Variants in SNX25 observed in about 807,000 individuals in gnomAD.
SNX25 encodes sorting nexin-25.
Under a neutral mutation model 113.7 loss-of-function variants are expected in SNX25, and 62 were observed. The ratio of observed to expected loss-of-function variants is 0.55; its 90% CI spans 0.44 to 0.67. The LOEUF is 0.67. SNX25 is among the 30% of genes least tolerant of loss of function. The pLI is 0.00. For synonymous variants in SNX25, 421 were observed against 436.2 expected, an observed-to-expected ratio of 0.97 and a Z score of 0.43; for missense variants, 1,014 against 1,161.0, an observed-to-expected ratio of 0.87 and a Z score of 1.84.
intron 7 of SNX25, among the ~76,000 whole-genome samples, chr4:185,317,857 A>G (rs1163272127): frequency 6.6e-6 from 1 of 152,126 alleles, no homozygotes; most frequent in African/African-American, 2.4e-5. Context: ...AACCTAGATG[A>G]CGGGTAGATA....
At chr4:185,249,382 T>G (rs2126492046) in intron 2 of SNX25, among the ~76,000 whole-genome samples, 1 of 152,322 alleles carries the variant, frequency 6.6e-6, no homozygotes, top group South Asian at 2.1e-4. Flanking sequence ...CCCTACTGAC[T>G]ATGATATTAA....
chr4:185,233,856 G>GTTATTA (rs34578677), intron 1 of SNX25, among the ~76,000 whole-genome samples: 1 of 151,252 alleles, frequency 6.6e-6, no homozygotes, highest in South Asian at 2.1e-4. Flanking sequence ...CAACTTAAGT[G>GTTATTA]TTATTATTAT....
chr4:185,277,029 T>C (rs1749801947), intron 5 of SNX25, among the ~76,000 whole-genome samples: 1 of 152,132 alleles, frequency 6.6e-6, no homozygotes, highest in Admixed American at 6.5e-5. Flanking sequence ...TCCCCTTTTT[T>C]ATTTTTATTT....
chr4:185,219,090 C>T (rs545205861), intron 1 of SNX25, among the ~76,000 whole-genome samples: 1 of 152,178 alleles, frequency 6.6e-6, no homozygotes, highest in Non-Finnish European at 1.5e-5. Context: ...TATGCCGCCA[C>T]TGCCAGTCTG....
chr4:185,366,892 A>G, downstream of SNX25: 1 of 223,766 alleles, frequency 4.5e-6, no homozygotes, highest in East Asian at 8.9e-5. Context: ...AAGAAAGGAT[A>G]AACGATACTT....
At chr4:185,229,416 T>C (rs543668663) in intron 1 of SNX25, among the ~76,000 whole-genome samples, 102 of 152,304 alleles carry the variant, frequency 6.7e-4, no homozygotes, top group African/African-American at 2.4e-3. Context: ...CCAGTTGCGG[T>C]GTGGGTGGAA....
upstream of SNX25, chr4:185,209,368 T>A (rs1335579276): frequency 6.6e-6 from 1 of 152,328 alleles, no homozygotes; most frequent in Non-Finnish European, 1.5e-5. The surrounding 1 kb of genome is among the most constrained non-coding windows in gnomAD (Gnocchi z 5.2). Context: ...TGCAGCAAAA[T>A]TTTCCATGAA....
intron 2 of SNX25, among the ~76,000 whole-genome samples, chr4:185,253,484 T>C (rs1745965950): frequency 6.6e-6 from 1 of 151,882 alleles, no homozygotes; most frequent in South Asian, 2.1e-4. Flanking sequence ...TTTTTTTTTT[T>C]TGAGACCGAG....
chr4:185,371,015 C>T (rs4862522), downstream of SNX25: 63,752 of 522,288 alleles, frequency 0.12, 4,216 homozygotes, highest in Admixed American at 0.2. Flanking sequence ...GGTGACTTCA[C>T]ATGTCTCTGT....
chr4:185,258,809 T>G, intron 2 of SNX25, 39 bp from the exon 3 acceptor site: 1 of 1,541,630 alleles, frequency 6.5e-7, no homozygotes, highest in South Asian at 1.1e-5. Flanking sequence ...GTTTGCTTCT[T>G]TCATTTGTTT....
the SNX25 span, chr4:185,377,004 T>C: frequency 6.2e-7 from 1 of 1,610,868 alleles, no homozygotes; most frequent in Non-Finnish European, 8.5e-7. Context: ...TCCACCAAAT[T>C]AGCATGGGTG....
intron 6 of SNX25, among the ~76,000 whole-genome samples, chr4:185,307,449 C>T (rs1470130994): frequency 6.6e-6 from 1 of 152,184 alleles, no homozygotes; most frequent in Non-Finnish European, 1.5e-5. Flanking sequence ...CCTCTGGGCC[C>T]TGAGCATTCC....
downstream of SNX25, chr4:185,371,084 C>A: frequency 3.1e-6 from 1 of 325,242 alleles, no homozygotes; most frequent in South Asian, 6.7e-5. Flanking sequence ...CTTTTTTCTT[C>A]TAATATTACT....
At chr4:185,307,543 C>G (rs1467691823) in intron 6 of SNX25, among the ~76,000 whole-genome samples, 2 of 152,068 alleles carry the variant, frequency 1.3e-5, no homozygotes, top group Non-Finnish European at 2.9e-5. Flanking sequence ...AGTCTTTTAC[C>G]CCCTCACTCC....
intron 14 of SNX25, 183 bp from the exon 15 acceptor site, chr4:185,353,302 T>C (rs2095324571): frequency 2.0e-6 from 1 of 507,068 alleles, no homozygotes; most frequent in Non-Finnish European, 3.5e-6. Flanking sequence ...TGAATAAGGC[T>C]CGAGAATCAA....
rs1233693832 is a variant in SNX25, at chr4:185,302,091, G to GTT, written c.1163-8537_1163-8536dup. Among the ~76,000 whole-genome samples the GTT allele has an allele frequency of 3.9e-3, 422 of 108,312 alleles. 1 individual carries two copies. Among genetic ancestry groups the GTT allele is most frequent in the African/African-American group, 0.011 (367 of 33,306 alleles). The allele number at this position is 108,312 out of a possible 152,430, so 71.1% of individuals were successfully genotyped here. On this transcript the variant is annotated intron_variant, in intron 6 of 18. Transcript: ENST00000652585. ...ATTTTTGTATATTTTGTGTGTGTGT[G>GTT]TTTTTTTTGTTTTTTTTTTTTTTTA... is the stretch of plus-strand genomic sequence containing the variant.
intron 12 of SNX25, among the ~76,000 whole-genome samples, chr4:185,344,387 G>A (rs1357626847): frequency 6.6e-6 from 1 of 152,084 alleles, no homozygotes; most frequent in African/African-American, 2.4e-5. Context: ...TGAAGCATCC[G>A]GCGCCACTGT....
intron 1 of SNX25, among the ~76,000 whole-genome samples, chr4:185,231,627 C>T (rs778119344): frequency 2.2e-4 from 33 of 151,164 alleles, no homozygotes; most frequent in Non-Finnish European, 3.4e-4. Context: ...AGGAGAATGG[C>T]GTGAACCCAG....
chr4:185,295,507 T>C (rs1444075804), intron 6 of SNX25, among the ~76,000 whole-genome samples: 4 of 150,348 alleles, frequency 2.7e-5, no homozygotes, highest in Non-Finnish European at 4.4e-5. Flanking sequence ...TGAAGTGCAG[T>C]GGTGCAGTCA....
Sources: gnomAD v4.1 joint callset for allele counts (sites outside exome capture counted in the v4.1 genomes callset) on GRCh38, gnomAD v4.1.1 for gene constraint, Gnocchi (gnomAD v3.1) non-coding constraint, MANE v1.5 for transcripts, NCBI Gene and HGNC (gene_info 2026-07-23, HGNC 2026-07-21) for gene names.